The following SLX4IP variants were observed in gnomAD, a reference collection of about 807,000 sequenced individuals.
SLX4IP encodes SLX4 interacting protein.
SLX4IP carries 34 observed loss-of-function variants against 32.9 expected under a neutral mutation model. The observed-to-expected ratio is 1.03, with a 90% confidence interval of 0.79 to 1.38. The LOEUF (loss-of-function observed/expected upper bound fraction) is 1.38. Ranked by LOEUF, SLX4IP falls within the 40% of genes most tolerant of loss-of-function variation. SLX4IP has a pLI of 0.00. For synonymous variants in SLX4IP, 172 were observed against 171.7 expected (o/e 1.00, Z -0.01); for missense variants, 444 against 479.0 (o/e 0.93, Z 0.68).
intron 2 of SLX4IP, among the ~76,000 whole-genome samples, chr20:10,500,233 C>A (rs528967417): frequency 7.1e-5 from 10 of 140,532 alleles, no homozygotes; most frequent in Admixed American, 3.2e-4. Context: ...ATTGTTCAAG[C>A]AATTCTCTTG....
intron 4 of SLX4IP, among the ~76,000 whole-genome samples, chr20:10,580,797 C>T (rs1252016440): frequency 6.6e-6 from 1 of 152,126 alleles, no homozygotes; most frequent in Non-Finnish European, 1.5e-5. Flanking sequence ...GCTCCTGGAA[C>T]TCCTCTACTG....
At chr20:10,554,284 G>C (rs560170276) in intron 2 of SLX4IP, among the ~76,000 whole-genome samples, 1 of 152,154 alleles carries the variant, frequency 6.6e-6, no homozygotes, top group Non-Finnish European at 1.5e-5. Context: ...TGAGTCTATC[G>C]GTAGTGTGGT....
intron 2 of SLX4IP, among the ~76,000 whole-genome samples, chr20:10,483,449 G>C (rs538090249): frequency 6.6e-6 from 1 of 152,050 alleles, no homozygotes; most frequent in Non-Finnish European, 1.5e-5. Flanking sequence ...AATTAGTATG[G>C]GATGAGTTAG....
intron 2 of SLX4IP, among the ~76,000 whole-genome samples, chr20:10,474,694 C>T (rs1014584492): frequency 2.0e-5 from 3 of 152,238 alleles, no homozygotes; most frequent in African/African-American, 7.2e-5. Flanking sequence ...TTGTTCACTT[C>T]CTTTTTTTCC....
At chr20:10,579,978 CAGTGGTCTTCTCCAGAGATTT>C (rs565617608) in intron 4 of SLX4IP, among the ~76,000 whole-genome samples, 63 of 152,188 alleles carry the variant, frequency 4.1e-4, no homozygotes, top group African/African-American at 1.5e-3. Context: ...TTGATTTTGC[CAGTGGTCTTCTCCAGAGATTT>C]AGATTAAATT....
chr20:10,556,149 C>T, intron 2 of SLX4IP, 82 bp from the exon 3 acceptor site: 1 of 1,296,822 alleles, frequency 7.7e-7, no homozygotes, highest in Non-Finnish European at 1.1e-6. Context: ...TGAGCAACCA[C>T]ATAGGAATTT....
rs1207051746 is a variant in SLX4IP at position 10,625,244 on chromosome 20, T to G, written c.*1865T>G. The G allele has an allele frequency of 6.6e-6, 1 of 152,212 alleles. No homozygotes were observed. The highest frequency in any genetic ancestry group is 2.4e-5 in the African/African-American group (1 of 41,460). 9.4% of individuals were successfully genotyped at this position (152,212 alleles called of 1,614,324 possible). A position where few individuals can be genotyped will look rare whatever the true frequency, so the allele number is the denominator to read the frequency against. On this transcript the variant is annotated 3_prime_UTR_variant, in exon 8 of 8. Transcript: ENST00000334534. ...CTCTTTATTGAACACAGGACCACAG[T>G]GTGTCACTGAATCTTCTTAAACAGA...
At chr20:10,542,325 C>A (rs2066116464) in intron 2 of SLX4IP, among the ~76,000 whole-genome samples, 1 of 152,208 alleles carries the variant, frequency 6.6e-6, no homozygotes. Context: ...GAGCCAGTAC[C>A]TGTCTCCTTA....
chr20:10,493,748 T>A (rs2065644532), intron 2 of SLX4IP, among the ~76,000 whole-genome samples: 1 of 152,142 alleles, frequency 6.6e-6, no homozygotes, highest in Admixed American at 6.5e-5. Context: ...GCGTCAGGCT[T>A]TGATACATAA....
At chr20:10,616,537 C>T (rs2067034120) in intron 6 of SLX4IP, among the ~76,000 whole-genome samples, 2 of 152,042 alleles carry the variant, frequency 1.3e-5, no homozygotes, top group African/African-American at 4.8e-5. Flanking sequence ...TGCCTTTTCA[C>T]CACCAGTACA....
chr20:10,564,788 A>C (rs2066371819), intron 4 of SLX4IP, among the ~76,000 whole-genome samples: 1 of 152,222 alleles, frequency 6.6e-6, no homozygotes, highest in African/African-American at 2.4e-5. Context: ...ATCAGTAAAA[A>C]TTAATGGTAT....
At chr20:10,589,692 A>G (rs1247195588) in intron 4 of SLX4IP, among the ~76,000 whole-genome samples, 1 of 152,222 alleles carries the variant, frequency 6.6e-6, no homozygotes, top group Non-Finnish European at 1.5e-5. Flanking sequence ...GTCAATGTTC[A>G]TAGTACTGAG....
In SLX4IP at chr20:10,592,348, C is replaced by G. The variant is rs6133973; in HGVS notation, c.239-6327C>G. Among the ~76,000 whole-genome samples the G allele has an allele frequency of 8.4e-4, 47 of 56,216 alleles. No homozygotes were observed. The East Asian group carries it at 0.021, about 25-fold the overall frequency. 36.9% of individuals were successfully genotyped at this position (56,216 alleles called of 152,430 possible). A position where few individuals can be genotyped will look rare whatever the true frequency, so the allele number is the denominator to read the frequency against. ...CCACAGAACAACCCCTTTCTCCAACCCCCCCCCATCACCAGCAATAGAGGA... is the reference window on the plus strand; with the variant it reads ...CCACAGAACAACCCCTTTCTCCAACGCCCCCCCATCACCAGCAATAGAGGA... On this transcript the variant is annotated intron_variant, in intron 4 of 7. Transcript: ENST00000334534.
rs548144476 is a variant in SLX4IP, at chr20:10,449,963, A to ACC, written c.-29-8211_-29-8210dup. Among the ~76,000 whole-genome samples the ACC allele has an allele frequency of 2.6e-5, 4 of 151,428 alleles. No individual in the cohort carries two copies. The South Asian group carries it at 8.3e-4, about 31-fold the overall frequency. ...TTTATTGATAAAAGTAAAAAAAAAA[A>ACC]CCCACAAAAACAAAACCTTATTGTG... On this transcript the variant is annotated intron_variant, in intron 1 of 7. Transcript: ENST00000334534.
rs573604748 is a variant in SLX4IP, at chr20:10,580,913, T to C, written c.239-17762T>C. Among the ~76,000 whole-genome samples, 4 of 152,252 alleles carry C rather than the reference T, an allele frequency of 2.6e-5. No individual in the cohort carries two copies. In the South Asian group the frequency reaches 8.3e-4, roughly 32 times the overall value. ...TGCTGCCAAACTGCCAACTCAGTAATAGCTCACCATGAATGTGATATTTAA... is the reference window on the plus strand; with the variant it reads ...TGCTGCCAAACTGCCAACTCAGTAACAGCTCACCATGAATGTGATATTTAA... On this transcript the variant is annotated intron_variant, in intron 4 of 7. Coordinates refer to ENST00000334534, the MANE Select transcript of SLX4IP (RefSeq NM_001009608.3).
chr20:10,458,389 A>G (rs6039948), intron 2 of SLX4IP, among the ~76,000 whole-genome samples, 158 bp downstream of exon 2: 74,918 of 151,834 alleles, frequency 0.49, 19,952 homozygotes, highest in Non-Finnish European at 0.6. Context: ...GTTCTGGGGC[A>G]TGTGTGCAGG....
intron 1 of SLX4IP, among the ~76,000 whole-genome samples, chr20:10,450,419 A>G (rs2065231920): frequency 6.6e-6 from 1 of 152,224 alleles, no homozygotes; most frequent in Non-Finnish European, 1.5e-5. Context: ...TTTTCAGGAC[A>G]ACCTTTATAT....
chr20:10,512,778 C>CTATATATATATA (rs57942782), intron 2 of SLX4IP, among the ~76,000 whole-genome samples: 366 of 24,850 alleles, frequency 0.015, 8 homozygotes, highest in Middle Eastern at 0.045. Flanking sequence ...CACACACACT[C>CTATATATATATA]TATATATATA....
At chr20:10,594,826 A>G (rs1316176959) in intron 4 of SLX4IP, among the ~76,000 whole-genome samples, 1 of 152,198 alleles carries the variant, frequency 6.6e-6, no homozygotes, top group Non-Finnish European at 1.5e-5. Context: ...TATTTTAGAC[A>G]GAATATGAAA....
Sources: allele counts gnomAD v4.1 joint callset (sites outside exome capture counted in the v4.1 genomes callset), GRCh38; gene constraint gnomAD v4.1.1; transcripts MANE v1.5; gene names NCBI Gene and HGNC (gene_info 2026-07-23, HGNC 2026-07-21).